The following TMEM132D variants were observed in gnomAD, a reference collection of about 807,000 sequenced individuals.
TMEM132D encodes the protein mature OL transmembrane protein.
In TMEM132D, 21 loss-of-function variants were observed where a neutral mutation model predicts 62.3. The ratio of observed to expected loss-of-function variants is 0.34; its 90% confidence interval spans 0.24 to 0.49. The LOEUF (loss-of-function observed/expected upper bound fraction) is 0.49. Among genes scored for constraint, TMEM132D ranks in the 20% least tolerant of loss-of-function variants. The pLI, the probability that TMEM132D is intolerant of heterozygous loss-of-function variation, is 0.99. For missense variants in TMEM132D, 1,346 were observed against 1,402.8 expected (o/e 0.96, Z 0.65); for synonymous variants, 621 against 575.6 (o/e 1.08, Z -1.13).
intron 2 of TMEM132D, among the ~76,000 whole-genome samples, chr12:129,693,208 A>G (rs920887529): frequency 4.6e-5 from 7 of 152,180 alleles, no homozygotes; most frequent in African/African-American, 1.7e-4. Flanking sequence ...CACCATTACT[A>G]TTTTACATTG....
intron 6 of TMEM132D, 150 bp from the exon 7 acceptor site, chr12:129,082,182 C>T (rs1357043824): frequency 3.1e-6 from 3 of 959,810 alleles, no homozygotes; most frequent in Non-Finnish European, 4.5e-6. Flanking sequence ...ACTTCAGATA[C>T]TAACCACTGC....
intron 1 of TMEM132D, among the ~76,000 whole-genome samples, chr12:129,721,264 C>A (rs991082280): frequency 1.3e-5 from 2 of 152,118 alleles, no homozygotes; most frequent in African/African-American, 4.8e-5. Context: ...CTCTCATCAC[C>A]AAGTCATCAG....
chr12:129,271,196 G>GA (rs1305256597), intron 4 of TMEM132D, among the ~76,000 whole-genome samples: 1 of 148,760 alleles, frequency 6.7e-6, no homozygotes. Flanking sequence ...GATTTGTTAG[G>GA]AAAAAAAATA....
intron 3 of TMEM132D, among the ~76,000 whole-genome samples, chr12:129,459,137 T>C (rs1464902818): frequency 1.3e-5 from 2 of 152,222 alleles, no homozygotes; most frequent in Admixed American, 1.3e-4. Flanking sequence ...CCTTGGCTCA[T>C]GGTGAGACCC....
chr12:129,195,842 G>A (rs772203834), intron 5 of TMEM132D, among the ~76,000 whole-genome samples: 3 of 152,108 alleles, frequency 2.0e-5, no homozygotes, highest in Admixed American at 6.5e-5. Context: ...AAGAGTTTAC[G>A]GGGGCCAGGT....
chr12:129,542,779 C>T (rs910112811), intron 2 of TMEM132D, among the ~76,000 whole-genome samples: 22 of 152,246 alleles, frequency 1.4e-4, no homozygotes, highest in African/African-American at 5.1e-4. Flanking sequence ...CATCAATTAA[C>T]TGCATGTACA....
chr12:129,432,151 ATGGATGCT>A (rs554882495), intron 3 of TMEM132D, among the ~76,000 whole-genome samples: 13,939 of 144,224 alleles, frequency 0.097, 762 homozygotes, highest in East Asian at 0.18. Context: ...GGATGGATGG[ATGGATGCT>A]TGGATGGATG....
At chr12:129,724,546 G>A (rs1868958938) in intron 1 of TMEM132D, among the ~76,000 whole-genome samples, 1 of 152,116 alleles carries the variant, frequency 6.6e-6, no homozygotes, top group African/African-American at 2.4e-5. Context: ...TTTTGAGATG[G>A]AGTCTCGCTC....
intron 3 of TMEM132D, among the ~76,000 whole-genome samples, chr12:129,372,894 A>T (rs1870658483): frequency 6.6e-6 from 1 of 152,188 alleles, no homozygotes; most frequent in Non-Finnish European, 1.5e-5. Context: ...TCCCAGAATC[A>T]TCCCCAAACT....
intron 5 of TMEM132D, among the ~76,000 whole-genome samples, chr12:129,149,557 C>T (rs1282829239): frequency 1.3e-5 from 2 of 152,220 alleles, no homozygotes; most frequent in Non-Finnish European, 1.5e-5. Context: ...TGTTTCTATT[C>T]TGTCCGTCTC....
intron 3 of TMEM132D, among the ~76,000 whole-genome samples, chr12:129,469,542 C>G (rs1874031508): frequency 2.0e-5 from 3 of 152,138 alleles, no homozygotes; most frequent in Non-Finnish European, 4.4e-5. Context: ...AACATTCTAA[C>G]AAGATAACAC....
rs75856898 is a variant in TMEM132D at position 129,810,317 on chromosome 12, T to C, written c.79+92944A>G. 4.8e-4 allele frequency among the ~76,000 whole-genome samples: 73 copies of C among 152,250 alleles called. 2 individuals are homozygous for C. The East Asian group carries it at 0.013, about 27-fold the overall frequency. On this transcript the variant is annotated intron_variant, in intron 1 of 8. Coordinates refer to ENST00000422113, the MANE Select transcript of TMEM132D (RefSeq NM_133448.3). ...CATATATTTTTTTTAAAATGCAAGATACTCCACTGACAAGTCTGAAATAGT... is the reference window on the plus strand; with the variant it reads ...CATATATTTTTTTTAAAATGCAAGACACTCCACTGACAAGTCTGAAATAGT...
chr12:129,249,191 C>T (rs1880202168), intron 4 of TMEM132D, among the ~76,000 whole-genome samples: 1 of 152,128 alleles, frequency 6.6e-6, no homozygotes, highest in Non-Finnish European at 1.5e-5. Flanking sequence ...AGCGTAGATG[C>T]TTTGTAATGT....
intron 4 of TMEM132D, among the ~76,000 whole-genome samples, chr12:129,273,059 G>A (rs1363117158): frequency 6.6e-6 from 1 of 151,814 alleles, no homozygotes; most frequent in East Asian, 1.9e-4. Flanking sequence ...AGCTGGGTGT[G>A]GTGGCATATG....
intron 5 of TMEM132D, among the ~76,000 whole-genome samples, chr12:129,112,592 G>C (rs1437082811): frequency 1.3e-5 from 2 of 152,222 alleles, no homozygotes; most frequent in Non-Finnish European, 2.9e-5. Flanking sequence ...GAACCTGGGA[G>C]GCAGAGGTTG....
At chr12:129,749,818 TAGACCTGGCTCACG>T (rs998444476) in intron 1 of TMEM132D, among the ~76,000 whole-genome samples, 2 of 152,152 alleles carry the variant, frequency 1.3e-5, no homozygotes, top group African/African-American at 4.8e-5. Flanking sequence ...ACAGAGTATG[TAGACCTGGCTCACG>T]GTACTTGTAC....
At chr12:129,325,981 A>G (rs1308524459) in intron 4 of TMEM132D, among the ~76,000 whole-genome samples, 1 of 152,212 alleles carries the variant, frequency 6.6e-6, no homozygotes, top group Non-Finnish European at 1.5e-5. Flanking sequence ...AGGCATCATG[A>G]GTGCTGGAGG....
At chr12:129,822,031 G>A (rs537137110) in intron 1 of TMEM132D, among the ~76,000 whole-genome samples, 4 of 152,300 alleles carry the variant, frequency 2.6e-5, no homozygotes, top group African/African-American at 7.2e-5. Flanking sequence ...TGTACTCATG[G>A]AGCAAATTCA....
intron 2 of TMEM132D, among the ~76,000 whole-genome samples, chr12:129,619,049 T>C (rs1385933158): frequency 6.6e-6 from 1 of 152,198 alleles, no homozygotes; most frequent in Non-Finnish European, 1.5e-5. Flanking sequence ...TTTTTTATCA[T>C]GCAGGTGAAG....
Sources: allele counts gnomAD v4.1 joint callset (sites outside exome capture counted in the v4.1 genomes callset), GRCh38; gene constraint gnomAD v4.1.1; transcripts MANE v1.5; gene names NCBI Gene and HGNC (gene_info 2026-07-23, HGNC 2026-07-21).